WHRN: variants seen among roughly 807,000 people sequenced by gnomAD.
WHRN encodes the protein whirlin, also known as CASK-interacting protein CIP98.
Under a neutral mutation model 68.3 loss-of-function variants are expected in WHRN, and 41 were observed. The ratio of observed to expected loss-of-function variants is 0.60; its 90% CI spans 0.47 to 0.78. The LOEUF (loss-of-function observed/expected upper bound fraction) is 0.78, where lower values mean the gene tolerates loss of function less well. WHRN is among the 30% of genes least tolerant of loss of function. The probability of loss-of-function intolerance (pLI) is 0.00; values close to 1 mark genes in which losing one functional copy is unlikely to be tolerated. For synonymous variants in WHRN, 560 were observed against 561.3 expected (o/e 1.00, Z 0.03); for missense variants, 1,243 against 1,244.7 (o/e 1.00, Z 0.02).
At position 114,445,037 on chromosome 9, in the gene WHRN, G is replaced by GTTA. The variant is rs566119848; in HGVS notation, c.964-18627_964-18625dup. ...TACTTTTGAACTCAGGTTTTTTAATGTTATTATTATTATTATTATTATTAG... is the reference window on the plus strand; with the variant it reads ...TACTTTTGAACTCAGGTTTTTTAATGTTATTATTATTATTATTATTATTATTAG... On this transcript the variant is annotated intron_variant, in intron 3 of 11. Transcript: ENST00000362057. Among the ~76,000 whole-genome samples, 748 of 150,794 alleles carry GTTA rather than the reference G, an allele frequency of 5.0e-3. 6 individuals are homozygous for GTTA. Among genetic ancestry groups the GTTA allele is most frequent in the African/African-American group, 0.011 (463 of 41,068 alleles).
intron 9 of WHRN, 99 bp downstream of exon 9, chr9:114,406,256 C>T (rs913841951): frequency 1.3e-6 from 2 of 1,553,882 alleles, no homozygotes; most frequent in South Asian, 1.1e-5. Context: ...GCCCCCTCAA[C>T]AAGTAGCTGG....
chr9:114,421,766 G>C (rs1836308163), intron 7 of WHRN, among the ~76,000 whole-genome samples: 1 of 152,154 alleles, frequency 6.6e-6, no homozygotes, highest in African/African-American at 2.4e-5. Flanking sequence ...TCAGAGCCTG[G>C]GGTGAAGGAC....
intron 6 of WHRN, 48 bp downstream of exon 6, chr9:114,424,286 A>G: frequency 6.3e-7 from 1 of 1,598,088 alleles, no homozygotes; most frequent in South Asian, 1.1e-5. Context: ...GGCAGGATGC[A>G]GAGCCCTGGA....
chr9:114,470,614 G>A lies in WHRN; in HGVS notation c.838-4222C>T, dbSNP rs138872665. 5.6e-3 allele frequency among the ~76,000 whole-genome samples: 859 copies of A among 152,280 alleles called. 5 individuals carry two copies. The highest frequency in any genetic ancestry group is 8.3e-3 in the Non-Finnish European group (563 of 68,014). On this transcript the variant is annotated intron_variant, in intron 2 of 11. Transcript: ENST00000362057. Reference sequence around the variant, plus strand: ...ACGATGGTGGTGATGTAGGAGGAAGGTGGGGTTCAGATCAGGGACAGAACA... The same window carrying A: ...ACGATGGTGGTGATGTAGGAGGAAGATGGGGTTCAGATCAGGGACAGAACA...
At chr9:114,466,199 G>A in intron 3 of WHRN, 68 bp downstream of exon 3, 3 of 1,607,336 alleles carry the variant, frequency 1.9e-6, no homozygotes, top group South Asian at 1.1e-5. Context: ...CTCTGCTGGA[G>A]GTCTATTTAA....
chr9:114,486,951 GTGTGTGTGTATATATATATATATATA>G lies in WHRN; in HGVS notation c.619-8206_619-8181del, dbSNP rs1258942125. On this transcript the variant is annotated intron_variant, in intron 1 of 11. Coordinates refer to ENST00000362057, the MANE Select transcript of WHRN (RefSeq NM_015404.4). The stretch of plus-strand genomic sequence containing the variant: ...GAGTGTGTGTGTGTGTTGTGTGTGT[GTGTGTGTGTATATATATATATATATA>G]TATATATATATATATATATATATAT... Among the ~76,000 whole-genome samples, 383 of 90,290 alleles carry G rather than the reference GTGTGTGTGTATATATATATATATATA, an allele frequency of 4.2e-3. 16 individuals are homozygous for G. Among genetic ancestry groups the G allele is most frequent in the Middle Eastern group, 0.02 (4 of 202 alleles). The allele number at this position is 90,290 out of a possible 152,430, so 59.2% of individuals were successfully genotyped here. A position where few individuals can be genotyped will look rare whatever the true frequency, so the allele number is the denominator to read the frequency against.
chr9:114,460,269 C>T (rs796584908), intron 3 of WHRN, among the ~76,000 whole-genome samples: 1 of 152,238 alleles, frequency 6.6e-6, no homozygotes, highest in Non-Finnish European at 1.5e-5. Context: ...AGGCCAGGTA[C>T]TAGATCCCTG....
intron 3 of WHRN, among the ~76,000 whole-genome samples, chr9:114,428,197 G>A (rs1483525192): frequency 6.6e-6 from 1 of 152,090 alleles, no homozygotes; most frequent in African/African-American, 2.4e-5. Flanking sequence ...GCGAGGTGGT[G>A]CGCCTGTAGT....
intron 3 of WHRN, among the ~76,000 whole-genome samples, chr9:114,465,860 C>T (rs759635948): frequency 2.6e-5 from 4 of 152,196 alleles, no homozygotes; most frequent in Non-Finnish European, 5.9e-5. Context: ...ACACAGTTAG[C>T]CCTCTTTAAA....
chr9:114,490,054 T>C (rs1842855457), intron 1 of WHRN, among the ~76,000 whole-genome samples: 1 of 152,222 alleles, frequency 6.6e-6, no homozygotes, highest in African/African-American at 2.4e-5. Context: ...TCAACATCTG[T>C]GTGCTCATCA....
intron 7 of WHRN, among the ~76,000 whole-genome samples, chr9:114,419,616 C>T (rs1396076975): frequency 6.6e-6 from 1 of 152,208 alleles, no homozygotes; most frequent in African/African-American, 2.4e-5. Context: ...TTGGAAGAGG[C>T]AGCTTCTGAG....
intron 3 of WHRN, among the ~76,000 whole-genome samples, chr9:114,439,729 C>T (rs1838204947): frequency 6.6e-6 from 1 of 152,018 alleles, no homozygotes; most frequent in Admixed American, 6.5e-5. Context: ...TGTGTAGGTA[C>T]ACTTATATGC....
At chr9:114,439,641 T>C (rs1292471063) in intron 3 of WHRN, among the ~76,000 whole-genome samples, 1 of 152,224 alleles carries the variant, frequency 6.6e-6, no homozygotes, top group African/African-American at 2.4e-5. Flanking sequence ...CACATAGATA[T>C]ATGTGTGTAC....
intron 1 of WHRN, among the ~76,000 whole-genome samples, chr9:114,495,148 A>T (rs1843341943): frequency 6.6e-6 from 1 of 152,242 alleles, no homozygotes; most frequent in African/African-American, 2.4e-5. Flanking sequence ...CTGCTGGTAA[A>T]GATCAGAGCA....
chr9:114,440,236 T>C (rs1446826090), intron 3 of WHRN, among the ~76,000 whole-genome samples: 2 of 151,906 alleles, frequency 1.3e-5, no homozygotes, highest in South Asian at 2.1e-4. Flanking sequence ...TTTTAAAAGT[T>C]AAGAAGAAAT....
At chr9:114,446,562 T>A (rs530772672) in intron 3 of WHRN, among the ~76,000 whole-genome samples, 2 of 152,312 alleles carry the variant, frequency 1.3e-5, no homozygotes, top group Admixed American at 1.3e-4. Flanking sequence ...GTAGGATGTC[T>A]GGGTCCTTCT....
At chr9:114,436,840 TAAATA>T (rs1045512423) in intron 3 of WHRN, among the ~76,000 whole-genome samples, 2 of 151,858 alleles carry the variant, frequency 1.3e-5, no homozygotes, top group East Asian at 3.8e-4. Context: ...AAAAACCAAA[TAAATA>T]AAATAAATAA....
intron 1 of WHRN, among the ~76,000 whole-genome samples, chr9:114,501,502 A>C (rs1318099032): frequency 6.6e-6 from 1 of 151,462 alleles, no homozygotes; most frequent in Admixed American, 6.6e-5. Context: ...TTTATTCATA[A>C]ATTATTAGGT....
At chr9:114,448,138 C>G (rs1838997288) in intron 3 of WHRN, among the ~76,000 whole-genome samples, 1 of 152,086 alleles carries the variant, frequency 6.6e-6, no homozygotes, top group Non-Finnish European at 1.5e-5. Context: ...TTGCAGGTGT[C>G]ATTAAGTTAA....
Sources: gnomAD v4.1 joint callset for allele counts (sites outside exome capture counted in the v4.1 genomes callset) on GRCh38, gnomAD v4.1.1 for gene constraint, MANE v1.5 for transcripts, NCBI Gene and HGNC (gene_info 2026-07-23, HGNC 2026-07-21) for gene names.